Variants in LMOD3 observed in about 807,000 individuals in gnomAD.
LMOD3 encodes the protein leiomodin 3, also known as leiomodin-3.
LMOD3 carries 31 observed loss-of-function variants against 41.8 expected under a neutral mutation model. That is an observed-to-expected ratio of 0.74 (90% CI 0.56 to 1.00). LMOD3 has a LOEUF of 1.00. Among genes scored for constraint, LMOD3 ranks in the 50% least tolerant of loss-of-function variants. LMOD3 has a pLI of 0.00. For synonymous variants in LMOD3, 292 were observed against 241.9 expected (o/e 1.21, Z -1.92); for missense variants, 755 against 679.5 (o/e 1.11, Z -1.23).
chr3:69,114,487 G>A (rs868116021), intron 2 of LMOD3, among the ~76,000 whole-genome samples: 9 of 152,132 alleles, frequency 5.9e-5, no homozygotes, highest in East Asian at 1.9e-4. Context: ...GGCCAGAAGC[G>A]TGGGGTAGGG....
intron 2 of LMOD3, among the ~76,000 whole-genome samples, chr3:69,112,058 C>T (rs1169977372): frequency 2.0e-5 from 3 of 152,092 alleles, no homozygotes; most frequent in African/African-American, 7.2e-5. Context: ...AAGCAGAATA[C>T]AAAAGGTAGA....
chr3:69,109,631 G>A (rs1037482832), intron 2 of LMOD3, among the ~76,000 whole-genome samples: 19 of 147,624 alleles, frequency 1.3e-4, no homozygotes, highest in Non-Finnish European at 1.9e-4. Context: ...GGGTTCAAGC[G>A]ATTCTCCTGC....
chr3:69,110,767 C>T (rs1035340584), intron 2 of LMOD3, among the ~76,000 whole-genome samples: 9 of 143,412 alleles, frequency 6.3e-5, no homozygotes, highest in East Asian at 2.2e-4. Context: ...TGCTTGAACC[C>T]GGGAGGCAGA....
At chr3:69,113,395 A>G (rs1221367900) in intron 2 of LMOD3, among the ~76,000 whole-genome samples, 3 of 152,220 alleles carry the variant, frequency 2.0e-5, no homozygotes, top group African/African-American at 7.2e-5. Context: ...GGAGAAAAGT[A>G]CAAAAGGAGA....
chr3:69,110,599 T>C (rs1235789781), intron 2 of LMOD3, among the ~76,000 whole-genome samples: 1 of 148,840 alleles, frequency 6.7e-6, no homozygotes, highest in East Asian at 2.1e-4. Context: ...TTCCAGCACT[T>C]TGGGAGGCCG....
Position 69,119,908 on chromosome 3 carries a change from T to G in LMOD3, c.447A>C (p.Glu149Asp). 1 of 1,545,318 alleles carries G rather than the reference T, an allele frequency of 6.5e-7. No individual in the cohort carries two copies. Among genetic ancestry groups the G allele is most frequent in the Non-Finnish European group, 8.8e-7 (1 of 1,138,994 alleles). The change falls in exon 2 of 3, where the codon GAA becomes GAC. Residue 149 changes from glutamate to aspartate, a missense_variant. By Grantham distance (45) the Glu-to-Asp change is conservative. Coordinates refer to ENST00000420581, the MANE Select transcript of LMOD3 (RefSeq NM_198271.5). ...NIQETDEEDE[E>D]EEDDDDDDEG... Reference sequence around the variant, plus strand: ...CGTCGTCATCATCATCATCTTCTTCTTCTTCATCTTCTTCATCTGTTTCTT... The same window carrying G: ...CGTCGTCATCATCATCATCTTCTTCGTCTTCATCTTCTTCATCTGTTTCTT...
chr3:69,108,978 C>T lies in LMOD3; in HGVS notation c.*117G>A, dbSNP rs1238480289. On this transcript the variant is annotated 3_prime_UTR_variant, in exon 3 of 3. Coordinates refer to ENST00000420581, the MANE Select transcript of LMOD3 (RefSeq NM_198271.5). ...TACAAATACCCTTATCAGATGGTAG[C>T]ATTGTTTCCAGTTCTGCCACGTGGA... 7 of 870,966 alleles carry T rather than the reference C, an allele frequency of 8.0e-6. No homozygotes were observed. In the East Asian group the frequency reaches 1.6e-4, roughly 20 times the overall value. The allele number at this position is 870,966 out of a possible 1,614,324, so 54.0% of individuals were successfully genotyped here.
chr3:69,120,072 G>T lies in LMOD3; in HGVS notation c.295-12C>A, dbSNP rs964488965. 1 of 1,581,646 alleles carries T rather than the reference G, an allele frequency of 6.3e-7. No individual in the cohort carries two copies. The highest frequency in any genetic ancestry group is 1.4e-5 in the African/African-American group (1 of 73,140). On this transcript the variant is annotated splice_polypyrimidine_tract_variant and intron_variant, in intron 1 of 2. Coordinates refer to ENST00000420581, the MANE Select transcript of LMOD3 (RefSeq NM_198271.5). ...TCTTGAGTCTTTTCCTACAAGAGAG[G>T]TTTATGAGGGTTAGAATACATAGCA...
rs2092322640 is a variant in LMOD3, at chr3:69,106,367, A to G, written c.*2728T>C. Among the ~76,000 whole-genome samples the G allele has an allele frequency of 6.6e-6, 1 of 152,210 alleles. No individual in the cohort carries two copies. The highest frequency in any genetic ancestry group is 1.5e-5 in the Non-Finnish European group (1 of 68,048). ...TTTGGAGAAACTAATAAAAAAAAAGATACCTGTAATTACTAATGGCCAGTA... is the reference window on the plus strand; with the variant it reads ...TTTGGAGAAACTAATAAAAAAAAAGGTACCTGTAATTACTAATGGCCAGTA... On this transcript the variant is annotated 3_prime_UTR_variant, in exon 3 of 3. Coordinates refer to ENST00000420581, the MANE Select transcript of LMOD3 (RefSeq NM_198271.5).
In LMOD3 at chr3:69,106,762, A is replaced by G. The variant is rs1395567; in HGVS notation, c.*2333T>C. 0.47 allele frequency: 70,786 copies of G among 149,272 alleles called. 17,200 individuals are homozygous for G. The highest frequency in any genetic ancestry group is 0.55 in the Non-Finnish European group (37,372 of 67,550). 9.2% of individuals were successfully genotyped at this position (149,272 alleles called of 1,614,324 possible). On this transcript the variant is annotated 3_prime_UTR_variant, in exon 3 of 3. Transcript: ENST00000420581. ...GGCTGGAGTGCAATGGTGCAATCTC[A>G]GCTCACTGCAACCTCCACCTCCCAT...
chr3:69,120,502 T>C (rs1001428054), intron 1 of LMOD3, among the ~76,000 whole-genome samples: 2 of 151,582 alleles, frequency 1.3e-5, no homozygotes, highest in Admixed American at 6.6e-5. Flanking sequence ...AAAATTAACA[T>C]CCCTACAATG....
intron 1 of LMOD3, among the ~76,000 whole-genome samples, chr3:69,120,921 AGATATCATTTT>A (rs2092404325): frequency 6.6e-6 from 1 of 152,180 alleles, no homozygotes; most frequent in African/African-American, 2.4e-5. Context: ...TGGGCCTCAT[AGATATCATTTT>A]GAAAGCCAGT....
chr3:69,110,039 A>C (rs1360149414), intron 2 of LMOD3, among the ~76,000 whole-genome samples: 1 of 152,046 alleles, frequency 6.6e-6, no homozygotes. Context: ...TTTTTAAAAC[A>C]TGTCTTTCCT....
At chr3:69,118,658 T>C in intron 2 of LMOD3, 41 bp downstream of exon 2, 1 of 1,574,050 alleles carries the variant, frequency 6.4e-7, no homozygotes, top group Non-Finnish European at 8.6e-7. Flanking sequence ...GCATTTACTA[T>C]GGAGGGTGCT....
intron 2 of LMOD3, among the ~76,000 whole-genome samples, chr3:69,110,838 C>CAAAAAAAAAAA (rs774402446): frequency 7.5e-5 from 5 of 67,012 alleles, no homozygotes; most frequent in African/African-American, 4.1e-4. Flanking sequence ...GACACCATCT[C>CAAAAAAAAAAA]AAAAAAAAAA....
At chr3:69,115,209 T>A (rs1235733981) in intron 2 of LMOD3, among the ~76,000 whole-genome samples, 1 of 152,094 alleles carries the variant, frequency 6.6e-6, no homozygotes, top group East Asian at 1.9e-4. Flanking sequence ...CTGTCGAGCA[T>A]GGTGGCTGAT....
Position 69,108,159 on chromosome 3 carries a change from T to C in LMOD3, c.*936A>G, listed in dbSNP as rs980793121. 6.6e-6 allele frequency: 1 copy of C among 152,178 alleles called. No individual in the cohort carries two copies. Among genetic ancestry groups the C allele is most frequent in the African/African-American group, 2.4e-5 (1 of 41,432 alleles). The allele number at this position is 152,178 out of a possible 1,614,324, so 9.4% of individuals were successfully genotyped here. On this transcript the variant is annotated 3_prime_UTR_variant, in exon 3 of 3. Coordinates refer to ENST00000420581, the MANE Select transcript of LMOD3 (RefSeq NM_198271.5). ...AGGATAAGTAGTTCAAGTTTAATCC[T>C]TCCTGTAAGCAAGTTTCCTTTAAAA...
chr3:69,117,833 GTTT>G (rs374336943), intron 2 of LMOD3, among the ~76,000 whole-genome samples: 1 of 132,154 alleles, frequency 7.6e-6, no homozygotes, highest in Non-Finnish European at 1.6e-5. Flanking sequence ...AATTTGGGTG[GTTT>G]TTTTTTTTTT....
chr3:69,118,103 T>C (rs984662195), intron 2 of LMOD3, among the ~76,000 whole-genome samples: 1 of 152,226 alleles, frequency 6.6e-6, no homozygotes, highest in African/African-American at 2.4e-5. Context: ...GTGCTGGGAT[T>C]ACAGGCGTGA....
Sources: allele counts gnomAD v4.1 joint callset (sites outside exome capture counted in the v4.1 genomes callset), GRCh38; gene constraint gnomAD v4.1.1; transcripts MANE v1.5; gene names NCBI Gene and HGNC (gene_info 2026-07-23, HGNC 2026-07-21).